RUNX2: variants seen among roughly 807,000 people sequenced by gnomAD.
RUNX2 encodes runt-related transcription factor 2.
In RUNX2, 10 loss-of-function variants were observed where a neutral mutation model predicts 51.7. The ratio of observed to expected loss-of-function variants is 0.19; its 90% CI spans 0.12 to 0.33. The LOEUF (loss-of-function observed/expected upper bound fraction) is 0.33, where lower values mean the gene tolerates loss of function less well. Among genes scored for constraint, RUNX2 ranks in the 10% least tolerant of loss-of-function variants. The pLI is 1.00. For missense variants in RUNX2, 562 were observed against 691.3 expected (o/e 0.81, Z 2.10); for synonymous variants, 276 against 273.6 (o/e 1.01, Z -0.09).
At chr6:45,464,036 AC>A (rs1477876834) in intron 5 of RUNX2, among the ~76,000 whole-genome samples, 1 of 152,158 alleles carries the variant, frequency 6.6e-6, no homozygotes, top group African/African-American at 2.4e-5. Flanking sequence ...TACTAAAAAT[AC>A]AAAAAATTAG....
intron 2 of RUNX2, among the ~76,000 whole-genome samples, chr6:45,346,388 T>A (rs1158572020): frequency 3.3e-5 from 5 of 152,080 alleles, no homozygotes; most frequent in African/African-American, 1.2e-4. Context: ...GAACCTCGCA[T>A]GCCCTCCTGA....
intron 2 of RUNX2, among the ~76,000 whole-genome samples, chr6:45,393,376 C>T (rs73441917): frequency 0.037 from 5,645 of 151,944 alleles, 363 homozygotes; most frequent in African/African-American, 0.13. Context: ...GCTATAGCTG[C>T]GGTGTCAGTG....
chr6:45,441,801 T>C (rs1458138460), intron 5 of RUNX2, among the ~76,000 whole-genome samples: 1 of 152,202 alleles, frequency 6.6e-6, no homozygotes, highest in Non-Finnish European at 1.5e-5. Flanking sequence ...TTTAATTTGT[T>C]TGCAGCAAAG....
At chr6:45,352,135 T>C (rs1267461146) in intron 2 of RUNX2, among the ~76,000 whole-genome samples, 1 of 152,186 alleles carries the variant, frequency 6.6e-6, no homozygotes, top group Non-Finnish European at 1.5e-5. Context: ...GCAAAAGAAG[T>C]GTACTGAACT....
chr6:45,463,565 A>G lies in RUNX2; in HGVS notation c.685+25514A>G, dbSNP rs537997989. Among the ~76,000 whole-genome samples, 4 of 152,208 alleles carry G rather than the reference A, an allele frequency of 2.6e-5. No individual in the cohort carries two copies. In the East Asian group the frequency reaches 7.7e-4, roughly 29 times the overall value. ...AGAACTAAAACTGATGGATTTTCTC[A>G]GTGTAAGTATGATAATGTAAAGCAA... On this transcript the variant is annotated intron_variant, in intron 5 of 8. Transcript: ENST00000647337.
At chr6:45,390,760 A>G (rs1450455808) in intron 2 of RUNX2, among the ~76,000 whole-genome samples, 1 of 152,180 alleles carries the variant, frequency 6.6e-6, no homozygotes, top group Non-Finnish European at 1.5e-5. Flanking sequence ...AGGCCAATGG[A>G]AATGGAAATA....
At chr6:45,446,543 A>G (rs1032520285) in intron 5 of RUNX2, among the ~76,000 whole-genome samples, 1 of 151,258 alleles carries the variant, frequency 6.6e-6, no homozygotes, top group African/African-American at 2.4e-5. Flanking sequence ...CGTTCTCAAG[A>G]AAGATAATTC....
At chr6:45,500,161 G>A (rs910635457) in intron 6 of RUNX2, among the ~76,000 whole-genome samples, 1 of 152,054 alleles carries the variant, frequency 6.6e-6, no homozygotes, top group African/African-American at 2.4e-5. Context: ...ACTAAATAAT[G>A]GATATGCTTC....
chr6:45,476,887 G>A lies in RUNX2; in HGVS notation c.686-15054G>A, dbSNP rs115328066. Among the ~76,000 whole-genome samples the A allele has an allele frequency of 8.9e-3, 1,348 of 152,194 alleles. 18 individuals are homozygous for A. Among genetic ancestry groups the A allele is most frequent in the African/African-American group, 0.028 (1,144 of 41,496 alleles). ...ATTCTTATGCAAGGATGTACAGGAA[G>A]CATTTAGAAATATGAATCTGAAGCT... On this transcript the variant is annotated intron_variant, in intron 5 of 8. Transcript: ENST00000647337.
chr6:45,455,494 A>G (rs1799294107), intron 5 of RUNX2, among the ~76,000 whole-genome samples: 1 of 152,166 alleles, frequency 6.6e-6, no homozygotes, highest in Non-Finnish European at 1.5e-5. Flanking sequence ...CATTTGCACC[A>G]TGGCTGCTCT....
At chr6:45,493,516 G>T (rs13208741) in intron 6 of RUNX2, among the ~76,000 whole-genome samples, 45 of 151,856 alleles carry the variant, frequency 3.0e-4, no homozygotes, top group Non-Finnish European at 6.2e-4. Context: ...GTGGGGGGGC[G>T]GTGGTGAGGG....
intron 5 of RUNX2, among the ~76,000 whole-genome samples, chr6:45,488,381 A>G (rs552458093): frequency 2.6e-5 from 4 of 152,266 alleles, no homozygotes; most frequent in African/African-American, 9.6e-5. Context: ...TGCATTTAAG[A>G]TGCCTTTGGG....
chr6:45,391,200 GC>G (rs1390599162), intron 2 of RUNX2, among the ~76,000 whole-genome samples: 3 of 152,166 alleles, frequency 2.0e-5, no homozygotes, highest in African/African-American at 7.2e-5. Context: ...TGGAGCTGGG[GC>G]CTGGTTGAAG....
At chr6:45,348,982 A>G (rs1791488723) in intron 2 of RUNX2, among the ~76,000 whole-genome samples, 1 of 152,162 alleles carries the variant, frequency 6.6e-6, no homozygotes, top group Non-Finnish European at 1.5e-5. Flanking sequence ...ATGGCACACC[A>G]CATGTACTTA....
chr6:45,390,004 T>A (rs1311395835), intron 2 of RUNX2, among the ~76,000 whole-genome samples: 4 of 67,882 alleles, frequency 5.9e-5, no homozygotes, highest in African/African-American at 1.9e-4. Context: ...AGACTCTGTC[T>A]CAAAAAAAAA....
chr6:45,440,541 C>T (rs1798813984), intron 5 of RUNX2, among the ~76,000 whole-genome samples: 2 of 152,152 alleles, frequency 1.3e-5, no homozygotes, highest in South Asian at 2.1e-4. Flanking sequence ...CTCAACTCTG[C>T]CATTGTAGCT....
chr6:45,459,974 G>A (rs981142782), intron 5 of RUNX2, among the ~76,000 whole-genome samples: 1 of 152,196 alleles, frequency 6.6e-6, no homozygotes, highest in Admixed American at 6.5e-5. Flanking sequence ...AAGCAGGCCA[G>A]TGTGGCTGCA....
intron 5 of RUNX2, among the ~76,000 whole-genome samples, chr6:45,448,410 T>C (rs989311879): frequency 6.6e-6 from 1 of 152,142 alleles, no homozygotes; most frequent in Non-Finnish European, 1.5e-5. Context: ...ACAAGAGCTG[T>C]CTTTTGTAGG....
intron 2 of RUNX2, among the ~76,000 whole-genome samples, chr6:45,342,506 G>A (rs1317398379): frequency 1.3e-5 from 2 of 152,010 alleles, no homozygotes; most frequent in Admixed American, 6.6e-5. Flanking sequence ...TAATCCACCC[G>A]CCTTGGCCTC....
Sources: gnomAD v4.1 joint callset for allele counts (sites outside exome capture counted in the v4.1 genomes callset) on GRCh38, gnomAD v4.1.1 for gene constraint, MANE v1.5 for transcripts, NCBI Gene and HGNC (gene_info 2026-07-23, HGNC 2026-07-21) for gene names.